Variants in GSE1 observed in about 807,000 individuals in gnomAD.
GSE1 encodes Gse1 coiled-coil protein.
Under a neutral mutation model 112.6 loss-of-function variants are expected in GSE1, and 32 were observed. That is an observed-to-expected ratio of 0.28 (90% CI 0.21 to 0.38). The LOEUF (loss-of-function observed/expected upper bound fraction) is 0.38, where lower values mean the gene tolerates loss of function less well. Ranked by LOEUF, GSE1 falls within the 10% of genes least tolerant of loss-of-function variation. The pLI is 1.00. For synonymous variants in GSE1, 1,115 were observed against 735.6 expected, an observed-to-expected ratio of 1.52 and a Z score of -8.35; for missense variants, 2,348 against 1,699.2, an observed-to-expected ratio of 1.38 and a Z score of -6.71.
chr16:85,630,890 C>T (rs1170714429), intron 1 of GSE1, among the ~76,000 whole-genome samples: 1 of 152,174 alleles, frequency 6.6e-6, no homozygotes, highest in Non-Finnish European at 1.5e-5. Context: ...AGGGGTGGGA[C>T]ACAGGCTGGG....
At chr16:85,559,703 T>C (rs1055582785) in intron 1 of GSE1, among the ~76,000 whole-genome samples, 1 of 152,236 alleles carries the variant, frequency 6.6e-6, no homozygotes, top group African/African-American at 2.4e-5. Flanking sequence ...ATACTCTCAA[T>C]TGAGTCTGTT....
intron 1 of GSE1, among the ~76,000 whole-genome samples, chr16:85,209,790 G>T (rs2075193718): frequency 6.6e-6 from 1 of 152,210 alleles, no homozygotes; most frequent in Admixed American, 6.5e-5. Context: ...GGCAGCTGAG[G>T]CTGAGGGGGC....
intron 1 of GSE1, among the ~76,000 whole-genome samples, chr16:85,257,511 A>G (rs1410257028): frequency 6.6e-6 from 1 of 152,260 alleles, no homozygotes; most frequent in Non-Finnish European, 1.5e-5. Flanking sequence ...TGTTTCTTAT[A>G]TACTTGTAAC....
At position 85,331,359 on chromosome 16, in the gene GSE1, G is replaced by GTATATATATATATGTATATATA. The variant is rs1192723319; in HGVS notation, c.2284-26103_2284-26102insATATATATATATGTATATATAT. 1.5e-4 allele frequency among the ~76,000 whole-genome samples: 8 copies of GTATATATATATATGTATATATA among 54,502 alleles called. No individual in the cohort carries two copies. The East Asian group carries it at 1.6e-3, about 11-fold the overall frequency. 35.8% of individuals were successfully genotyped at this position (54,502 alleles called of 152,430 possible). The stretch of plus-strand genomic sequence containing the variant: ...TGTGTGTGTGTGTGTGTGTGTGTGT[G>GTATATATATATATGTATATATA]TGTGTGTATATATGTATATATATGT... On this transcript the variant is annotated intron_variant, in intron 1 of 2. Coordinates refer to the GSE1 transcript ENST00000637419.
intron 2 of GSE1, among the ~76,000 whole-genome samples, chr16:85,447,403 G>A (rs989973485): frequency 1.3e-5 from 2 of 152,166 alleles, no homozygotes; most frequent in Non-Finnish European, 2.9e-5. Context: ...ACTTGACCTT[G>A]GGCAGATGAC....
At chr16:85,520,364 A>C (rs540482644) in intron 2 of GSE1, among the ~76,000 whole-genome samples, 4,571 of 152,130 alleles carry the variant, frequency 0.03, 109 homozygotes, top group South Asian at 0.1. Flanking sequence ...AAACATTTGG[A>C]TTGTAGCAGA....
chr16:85,190,783 C>T (rs1018924783), intron 1 of GSE1, among the ~76,000 whole-genome samples: 1 of 152,186 alleles, frequency 6.6e-6, no homozygotes, highest in African/African-American at 2.4e-5. Flanking sequence ...GGGAGGTCAG[C>T]CCCAGCTGCC....
At chr16:85,566,507 T>C (rs927476088) in intron 1 of GSE1, among the ~76,000 whole-genome samples, 11 of 152,220 alleles carry the variant, frequency 7.2e-5, no homozygotes, top group African/African-American at 2.7e-4. Context: ...AGGGCGCTAT[T>C]GGCCAGCCCG....
chr16:85,514,229 G>C (rs1431408522), intron 2 of GSE1, among the ~76,000 whole-genome samples: 2 of 130,652 alleles, frequency 1.5e-5, no homozygotes, highest in Admixed American at 8.6e-5. Context: ...TCCCCTCCCC[G>C]GTTTCTCTCT....
At chr16:85,195,076 G>C (rs367804189) in intron 1 of GSE1, among the ~76,000 whole-genome samples, 1 of 152,130 alleles carries the variant, frequency 6.6e-6, no homozygotes, top group Non-Finnish European at 1.5e-5. Context: ...CCATCCAATC[G>C]CAGGCATGTA....
rs183479905 is a variant in GSE1 at position 85,408,120 on chromosome 16, T to A, written c.2464+50477T>A. On this transcript the variant is annotated intron_variant, in intron 2 of 2. Transcript: ENST00000637419. ...CCCCCTGGATAATCCTCACTGTTAC[T>A]CTCAGGCCCCCTGGATAATCCTCAC... Among the ~76,000 whole-genome samples the A allele has an allele frequency of 1.4e-3, 38 of 27,378 alleles. 1 individual carries two copies. The highest frequency in any genetic ancestry group is 3.6e-3 in the South Asian group (2 of 562). The allele number at this position is 27,378 out of a possible 152,430, so 18.0% of individuals were successfully genotyped here. A position where few individuals can be genotyped will look rare whatever the true frequency, so the allele number is the denominator to read the frequency against.
intron 2 of GSE1, among the ~76,000 whole-genome samples, chr16:85,489,609 A>T (rs2151890968): frequency 7.3e-6 from 1 of 137,256 alleles, no homozygotes; most frequent in Non-Finnish European, 1.6e-5. Flanking sequence ...TTCATTCGTG[A>T]AGTTGCTACG....
intron 12 of GSE1, among the ~76,000 whole-genome samples, chr16:85,665,353 G>T (rs570740397): frequency 6.6e-6 from 1 of 152,254 alleles, no homozygotes; most frequent in African/African-American, 2.4e-5. Flanking sequence ...TCTGGCTTCT[G>T]TGGAGCTCTA....
intron 1 of GSE1, among the ~76,000 whole-genome samples, chr16:85,581,700 G>T (rs1396200102): frequency 5.3e-5 from 8 of 152,190 alleles, no homozygotes; most frequent in Admixed American, 5.2e-4. Flanking sequence ...GTGCATTTCT[G>T]TGCTCAGGGT....
chr16:85,187,544 C>T (rs983549548), intron 1 of GSE1, among the ~76,000 whole-genome samples: 16 of 152,244 alleles, frequency 1.1e-4, no homozygotes, highest in African/African-American at 3.6e-4. Context: ...CTGAGGCCAG[C>T]GCGAGTACTA....
chr16:85,330,009 T>TG (rs2046306069), intron 1 of GSE1, among the ~76,000 whole-genome samples: 2 of 152,260 alleles, frequency 1.3e-5, no homozygotes, highest in Non-Finnish European at 2.9e-5. Context: ...CCCTGGCAGA[T>TG]GCCCCTGCCA....
At chr16:85,623,651 A>G (rs1272714069) in intron 1 of GSE1, among the ~76,000 whole-genome samples, 1 of 152,200 alleles carries the variant, frequency 6.6e-6, no homozygotes, top group Non-Finnish European at 1.5e-5. Context: ...AGGCAGGCAC[A>G]CTGCGCCTTC....
chr16:85,584,784 G>T (rs952658783), intron 1 of GSE1, among the ~76,000 whole-genome samples: 2 of 152,168 alleles, frequency 1.3e-5, no homozygotes, highest in Non-Finnish European at 2.9e-5. Flanking sequence ...CCCTCTGGCC[G>T]GAAAAGTTGG....
intron 1 of GSE1, among the ~76,000 whole-genome samples, chr16:85,598,167 G>GTT (rs973836177): frequency 0.011 from 759 of 71,376 alleles, 4 homozygotes; most frequent in Non-Finnish European, 0.012. Flanking sequence ...AGGTTTGGTT[G>GTT]TTTTTTTTTT....
Sources: allele counts gnomAD v4.1 joint callset (sites outside exome capture counted in the v4.1 genomes callset), GRCh38; gene constraint gnomAD v4.1.1; transcripts MANE v1.5; gene names NCBI Gene and HGNC (gene_info 2026-07-23, HGNC 2026-07-21).